Variants in GFOD2 observed in about 807,000 individuals in gnomAD.
GFOD2 encodes the protein Gfo/Idh/MocA-like oxidoreductase domain containing 2.
In GFOD2, 9 loss-of-function variants were observed where a neutral mutation model predicts 24.6. The observed-to-expected ratio is 0.37, with a 90% CI of 0.22 to 0.64. The LOEUF (loss-of-function observed/expected upper bound fraction) is 0.64, where lower values mean the gene tolerates loss of function less well. Ranked by LOEUF, GFOD2 falls within the 30% of genes least tolerant of loss-of-function variation. The pLI is 0.65. For missense variants in GFOD2, 476 were observed against 532.5 expected, an observed-to-expected ratio of 0.89 and a Z score of 1.04; for synonymous variants, 211 against 224.8, an observed-to-expected ratio of 0.94 and a Z score of 0.55.
chr16:67,714,270 G>C (rs1323646428), intron 1 of GFOD2, among the ~76,000 whole-genome samples: 2 of 151,920 alleles, frequency 1.3e-5, no homozygotes, highest in Non-Finnish European at 2.9e-5. Context: ...ACTGAGGCCA[G>C]GAGTTCAAGA....
At chr16:67,691,494 C>A in intron 1 of GFOD2, among the ~76,000 whole-genome samples, 2 of 151,030 alleles carry the variant, frequency 1.3e-5, no homozygotes, top group African/African-American at 2.5e-5. Context: ...AGAAGCAAGT[C>A]ACACTGTGCC....
chr16:67,719,046 G>A (rs1030892152), intron 1 of GFOD2, 117 bp downstream of exon 1: 1 of 152,298 alleles, frequency 6.6e-6, no homozygotes, highest in African/African-American at 2.4e-5. Context: ...CCCCGGCTCT[G>A]CGGGTCCACG....
intron 1 of GFOD2, among the ~76,000 whole-genome samples, chr16:67,712,094 T>C (rs149772795): frequency 5.1e-4 from 77 of 152,284 alleles, no homozygotes; most frequent in African/African-American, 1.7e-3. Flanking sequence ...TGGTGCTAAA[T>C]ATTTGCTGAA....
chr16:67,685,628 C>A lies in GFOD2; in HGVS notation c.88G>T (p.Val30Phe). ...TCAGTCTTCCCCCACAGGGCCTCAA[C>A]AGTGAACCCTTCTGCCCTCAGCAGT... ...VPLLRAEGFT[V>F]EALWGKTEEE... The change falls in exon 2 of 3, where the codon GTT becomes TTT. Residue 30 changes from valine (V) to phenylalanine (F), a missense_variant. Coordinates refer to ENST00000268797, the MANE Select transcript of GFOD2 (RefSeq NM_030819.4). 1.2e-6 allele frequency: 2 copies of A among 1,614,218 alleles called. No individual in the cohort carries two copies. The highest frequency in any genetic ancestry group is 1.7e-6 in the Non-Finnish European group (2 of 1,180,044).
intron 1 of GFOD2, among the ~76,000 whole-genome samples, chr16:67,702,400 G>A (rs2053408715): frequency 6.6e-6 from 1 of 151,684 alleles, no homozygotes; most frequent in Non-Finnish European, 1.5e-5. Flanking sequence ...CTTGAACCTG[G>A]GAGGCAGAGG....
intron 1 of GFOD2, among the ~76,000 whole-genome samples, chr16:67,687,383 G>A (rs2053275171): frequency 6.6e-6 from 1 of 152,080 alleles, no homozygotes; most frequent in South Asian, 2.1e-4. Flanking sequence ...GCTCATGCCT[G>A]TAATCCCAGC....
Position 67,685,811 on chromosome 16 carries a change from G to C in GFOD2, c.-87-9C>G, listed in dbSNP as rs926012265. 6 of 1,409,642 alleles carry C rather than the reference G, an allele frequency of 4.3e-6. No homozygotes were observed. The African/African-American group carries it at 8.5e-5, about 20-fold the overall frequency. The allele number at this position is 1,409,642 out of a possible 1,614,324, so 87.3% of individuals were successfully genotyped here. A position where few individuals can be genotyped will look rare whatever the true frequency, so the allele number is the denominator to read the frequency against. Reference sequence around the variant, plus strand: ...CTGGTCAGACATGGCTCCTAGAATAGCAAACATTACACTGGTTATTACTGG... The same window carrying C: ...CTGGTCAGACATGGCTCCTAGAATACCAAACATTACACTGGTTATTACTGG... On this transcript the variant is annotated splice_polypyrimidine_tract_variant and intron_variant, in intron 1 of 2. Transcript: ENST00000268797.
chr16:67,714,019 T>C (rs1417017272), intron 1 of GFOD2, among the ~76,000 whole-genome samples: 1 of 152,022 alleles, frequency 6.6e-6, no homozygotes, highest in Non-Finnish European at 1.5e-5. Flanking sequence ...AATCTGCAAT[T>C]GCTTTTGCAC....
In GFOD2 at chr16:67,681,664, C is replaced by A. The variant is rs538892514; in HGVS notation, c.259+3793G>T. On this transcript the variant is annotated intron_variant, in intron 2 of 2. Coordinates refer to ENST00000268797, the MANE Select transcript of GFOD2 (RefSeq NM_030819.4). The stretch of plus-strand genomic sequence containing the variant: ...AGTTCAAGCGATCTGCCCACCTTGG[C>A]CTCCCAAAGTGCTGGATTAGAGGTG... 111 of 927,778 alleles carry A rather than the reference C, an allele frequency of 1.2e-4. 2 individuals carry two copies. The South Asian group carries it at 5.3e-3, about 44-fold the overall frequency. The allele number at this position is 927,778 out of a possible 1,614,324, so 57.5% of individuals were successfully genotyped here.
At chr16:67,696,730 C>T (rs1268628421) in intron 1 of GFOD2, among the ~76,000 whole-genome samples, 1 of 152,196 alleles carries the variant, frequency 6.6e-6, no homozygotes, top group Non-Finnish European at 1.5e-5. Flanking sequence ...GCCTCAGCCT[C>T]CCAAAGTGCC....
At chr16:67,687,645 A>G (rs1349789314) in intron 1 of GFOD2, among the ~76,000 whole-genome samples, 1 of 150,224 alleles carries the variant, frequency 6.7e-6, no homozygotes, top group Non-Finnish European at 1.5e-5. Context: ...CGTCTCAAAA[A>G]AAAAAAAAAA....
At chr16:67,681,124 G>A (rs1351145699) in intron 2 of GFOD2, 2 of 985,312 alleles carry the variant, frequency 2.0e-6, no homozygotes, top group African/African-American at 1.7e-5. Flanking sequence ...TTTGCCATTT[G>A]GCTGCTGAAC....
Position 67,689,276 on chromosome 16 carries a change from C to T in GFOD2, c.-87-3474G>A, listed in dbSNP as rs536217534. ...CTGGTCTCGAACTCCTGAGCTCAAG[C>T]GACCTACCCACCTTGGCCTCCCAAA... On this transcript the variant is annotated intron_variant, in intron 1 of 2. Coordinates refer to ENST00000268797, the MANE Select transcript of GFOD2 (RefSeq NM_030819.4). Among the ~76,000 whole-genome samples the T allele has an allele frequency of 2.4e-4, 35 of 144,822 alleles. No homozygotes were observed. The South Asian group carries it at 5.8e-3, about 24-fold the overall frequency.
rs906002445 is a variant in GFOD2, at chr16:67,685,599, C to T, written c.117G>A (p.Glu39=). Residue 39 remains glutamate, a synonymous_variant, in exon 2 of 3, where the codon GAG becomes GAA. Coordinates refer to ENST00000268797, the MANE Select transcript of GFOD2 (RefSeq NM_030819.4). ...TVEALWGKTE[E]EAKQLAEEMN... ...TCTCCTCAGCAAGCTGCTTCGCCTC[C>T]TCCTCAGTCTTCCCCCACAGGGCCT... 5.6e-6 allele frequency: 9 copies of T among 1,614,206 alleles called. No individual in the cohort carries two copies. The highest frequency in any genetic ancestry group is 7.6e-6 in the Non-Finnish European group (9 of 1,180,050).
chr16:67,714,003 C>T (rs747293222), intron 1 of GFOD2, among the ~76,000 whole-genome samples: 8 of 152,056 alleles, frequency 5.3e-5, no homozygotes, highest in Middle Eastern at 3.4e-3. Context: ...CATTACTTTG[C>T]GGCAAAATCT....
chr16:67,676,958 T>C (rs1232190704), intron 2 of GFOD2: 2 of 152,194 alleles, frequency 1.3e-5, no homozygotes, highest in Non-Finnish European at 2.9e-5. Context: ...CTGCGAGCTT[T>C]GTGTGGTTCA....
chr16:67,699,287 A>T (rs2053382041), intron 1 of GFOD2, among the ~76,000 whole-genome samples: 1 of 152,132 alleles, frequency 6.6e-6, no homozygotes, highest in Non-Finnish European at 1.5e-5. Flanking sequence ...GGCTGCAGTG[A>T]GCTGAGATCG....
intron 2 of GFOD2, chr16:67,683,362 G>A: frequency 6.5e-6 from 8 of 1,226,106 alleles, no homozygotes; most frequent in Non-Finnish European, 8.1e-6. Flanking sequence ...CAGAGTTCTG[G>A]CTCCGGACAC....
At position 67,685,325 on chromosome 16, in the gene GFOD2, A is replaced by G. The variant is rs1448402485; in HGVS notation, c.259+132T>C. The G allele has an allele frequency of 2.7e-6, 4 of 1,494,350 alleles. No homozygotes were observed. In the East Asian group the frequency reaches 9.7e-5, roughly 36 times the overall value. The allele number at this position is 1,494,350 out of a possible 1,614,324, so 92.6% of individuals were successfully genotyped here. On this transcript the variant is annotated intron_variant, in intron 2 of 2. Transcript: ENST00000268797. ...CTCCCCAAGCACTGCTTCAGGGACA[A>G]GTGATGTCCCAGAGTTCTCCTCCCT... is the stretch of plus-strand genomic sequence containing the variant.
Sources: gnomAD v4.1 joint callset for allele counts (sites outside exome capture counted in the v4.1 genomes callset) on GRCh38, gnomAD v4.1.1 for gene constraint, MANE v1.5 for transcripts, NCBI Gene and HGNC (gene_info 2026-07-23, HGNC 2026-07-21) for gene names.